The following UMOD variants were observed in gnomAD, a reference collection of about 807,000 sequenced individuals.
UMOD encodes uromodulin.
In UMOD, 64 loss-of-function variants were observed where a neutral mutation model predicts 66.0. The observed-to-expected ratio is 0.97, with a 90% CI of 0.79 to 1.19. The LOEUF (loss-of-function observed/expected upper bound fraction) is 1.19, where lower values mean the gene tolerates loss of function less well. Ranked by LOEUF, UMOD falls within the 50% of genes most tolerant of loss-of-function variation. The pLI is 0.00. For synonymous variants in UMOD, 398 were observed against 352.7 expected, an observed-to-expected ratio of 1.13 and a Z score of -1.44; for missense variants, 764 against 850.9, an observed-to-expected ratio of 0.90 and a Z score of 1.27.
chr16:20,355,854 C>T (rs567432008), upstream of UMOD, among the ~76,000 whole-genome samples: 25 of 152,278 alleles, frequency 1.6e-4, no homozygotes, highest in African/African-American at 2.6e-4. Context: ...CAACAACCCA[C>T]GTCACAGGGA....
At chr16:20,340,276 G>T (rs1965119277) in intron 7 of UMOD, among the ~76,000 whole-genome samples, 1 of 152,064 alleles carries the variant, frequency 6.6e-6, no homozygotes, top group Admixed American at 6.6e-5. Flanking sequence ...TGAGGCTAAA[G>T]CTGGAGGATC....
intron 4 of UMOD, among the ~76,000 whole-genome samples, chr16:20,347,872 G>T (rs1019749584): frequency 3.9e-5 from 6 of 152,136 alleles, no homozygotes; most frequent in African/African-American, 1.4e-4. Context: ...ACTGCTCACC[G>T]GGCCGGGCTT....
chr16:20,347,810 G>T (rs1159729101), intron 4 of UMOD, among the ~76,000 whole-genome samples: 1 of 152,266 alleles, frequency 6.6e-6, no homozygotes, highest in East Asian at 1.9e-4. Flanking sequence ...TGCCTGGCCC[G>T]GAGTACTGAG....
intron 7 of UMOD, among the ~76,000 whole-genome samples, chr16:20,338,451 T>C (rs1176618453): frequency 2.0e-5 from 3 of 152,236 alleles, no homozygotes; most frequent in Non-Finnish European, 4.4e-5. Flanking sequence ...TTCCTGCTTC[T>C]TTTTCAAAAC....
In UMOD at chr16:20,349,137, C is replaced by T; in HGVS notation, c.164G>A (p.Gly55Asp). 1 of 1,614,106 alleles carries T rather than the reference C, an allele frequency of 6.2e-7. No homozygotes were observed. The highest frequency in any genetic ancestry group is 8.5e-7 in the Non-Finnish European group (1 of 1,180,022). ...EAVTTCTCQE[G>D]FTGDGLTCVD... ...GCAGGTCAGGCCATCGCCGGTGAAG[C>T]CCTCCTGACAGGTGCACGTCGTAAC... The change falls in exon 3 of 11, where the codon GGC (glycine) becomes GAC (aspartate). Residue 55 changes from glycine to aspartate, a missense_variant. Gly to Asp is a moderately conservative substitution (Grantham distance 94, BLOSUM62 -1). Transcript: ENST00000396138.
chr16:20,333,255 C>T lies in UMOD; in HGVS notation c.*59G>A, dbSNP rs886051783. 7 of 1,542,584 alleles carry T rather than the reference C, an allele frequency of 4.5e-6. No individual in the cohort carries two copies. The Admixed American group carries it at 6.9e-5, about 15-fold the overall frequency. On this transcript the variant is annotated 3_prime_UTR_variant, in exon 11 of 11. Coordinates refer to ENST00000396138, the MANE Select transcript of UMOD (RefSeq NM_003361.4). Reference sequence around the variant, plus strand: ...GGCTGGAGCACTGGCCCGCATCATGCCCCCTGCCCAGCAGGAGGTGAGATG... The same window carrying T: ...GGCTGGAGCACTGGCCCGCATCATGTCCCCTGCCCAGCAGGAGGTGAGATG...
At position 20,333,364 on chromosome 16, in the gene UMOD, C is replaced by T. The variant is rs748973426; in HGVS notation, c.1873G>A (p.Val625Ile). The change falls in exon 11 of 11, where the codon GTC becomes ATC. Residue 625 changes from valine to isoleucine, a missense_variant. Val to Ile is a conservative substitution (Grantham distance 29). Transcript: ENST00000396138. ...RAFSSLGLLK[V>I]WLPLLLSATL... ...GCCGAGAGAAGCAGAGGCAGCCAGA[C>T]TTTCAGGAGCCCTGAAAAGAAAACA... 17 of 1,612,894 alleles carry T rather than the reference C, an allele frequency of 1.1e-5. No individual in the cohort carries two copies. The highest frequency in any genetic ancestry group is 1.4e-5 in the Non-Finnish European group (17 of 1,179,534).
chr16:20,354,179 A>C (rs1243916088), upstream of UMOD, among the ~76,000 whole-genome samples: 1 of 152,166 alleles, frequency 6.6e-6, no homozygotes, highest in Admixed American at 6.5e-5. Flanking sequence ...AGTTGGTTCC[A>C]AGTCTTTGCT....
rs11365132 is a variant in UMOD at position 20,334,835 on chromosome 16, A to AT, written c.1861+646dup. On this transcript the variant is annotated intron_variant, in intron 10 of 10. Coordinates refer to ENST00000396138, the MANE Select transcript of UMOD (RefSeq NM_003361.4). ...AGCACTCAAGGAATATTTGTCACCTATTTTTTTTTTTTTTTTGAGATGGAT... is the reference window on the plus strand; with the variant it reads ...AGCACTCAAGGAATATTTGTCACCTATTTTTTTTTTTTTTTTTGAGATGGAT... Among the ~76,000 whole-genome samples the AT allele has an allele frequency of 4.9e-3, 671 of 137,878 alleles. 3 individuals carry two copies. The highest frequency in any genetic ancestry group is 6.3e-3 in the Non-Finnish European group (400 of 63,578). The allele number at this position is 137,878 out of a possible 152,430, so 90.5% of individuals were successfully genotyped here.
intron 2 of UMOD, 60 bp downstream of exon 2, chr16:20,350,590 A>C: frequency 6.3e-7 from 1 of 1,597,704 alleles, no homozygotes; most frequent in South Asian, 1.1e-5. Flanking sequence ...TGCTTCCCCC[A>C]CACATTCACA....
intron 2 of UMOD, 109 bp downstream of exon 2, chr16:20,350,541 C>A: frequency 7.5e-7 from 1 of 1,341,388 alleles, no homozygotes. Context: ...GTCTCAAGTG[C>A]GATAGGAGGA....
In UMOD at chr16:20,349,037, G is replaced by A. The variant is rs77875418; in HGVS notation, c.264C>T (p.Gly88=). 20,661 of 1,598,442 alleles carry A rather than the reference G, an allele frequency of 0.013. 839 individuals carry two copies. The highest frequency in any genetic ancestry group is 0.094 in the South Asian group (8,342 of 88,716). ...CTTCGGGGCAGACGCAGGAGAAGGA[G>A]CCTGGCGTGTTTACGCAGCTGCTGT... ...SANSSCVNTP[G]SFSCVCPEGF... The change falls in exon 3 of 11, where the codon GGC becomes GGT. Residue 88 remains glycine, a synonymous_variant. Transcript: ENST00000396138.
chr16:20,346,048 T>G lies in UMOD; in HGVS notation c.1182+78A>C. On this transcript the variant is annotated intron_variant, in intron 5 of 10. Transcript: ENST00000396138. ...CCAGGCTAAATAACTCCCCAAAGCT[T>G]CTATAACTAGGAAGTGATAGAGCTG... 3 of 1,422,190 alleles carry G rather than the reference T, an allele frequency of 2.1e-6. No individual in the cohort carries two copies. The South Asian group carries it at 3.6e-5, about 17-fold the overall frequency. The allele number at this position is 1,422,190 out of a possible 1,614,324, so 88.1% of individuals were successfully genotyped here.
upstream of UMOD, chr16:20,352,991 G>T: frequency 2.9e-6 from 1 of 345,378 alleles, no homozygotes; most frequent in Non-Finnish European, 5.2e-6. Context: ...AGATTCCATA[G>T]TTAGAAATTA....
intron 4 of UMOD, among the ~76,000 whole-genome samples, chr16:20,347,919 T>A (rs1417596163): frequency 1.3e-5 from 2 of 152,172 alleles, no homozygotes. Flanking sequence ...TCAGATGGTC[T>A]TTGGCTCCCA....
At chr16:20,354,586 T>G (rs1381064696), upstream of UMOD, among the ~76,000 whole-genome samples, 3 of 152,124 alleles carry the variant, frequency 2.0e-5, no homozygotes, top group African/African-American at 7.2e-5. Flanking sequence ...AGGCCTTGTC[T>G]AAACCTTATT....
At chr16:20,355,474 G>A (rs1181198193), upstream of UMOD, among the ~76,000 whole-genome samples, 2 of 149,510 alleles carry the variant, frequency 1.3e-5, no homozygotes, top group Non-Finnish European at 3.0e-5. Context: ...CTCAGTCTTG[G>A]CTCACTGCAA....
intron 7 of UMOD, among the ~76,000 whole-genome samples, chr16:20,339,953 C>T (rs1965094454): frequency 6.6e-6 from 1 of 152,082 alleles, no homozygotes; most frequent in African/African-American, 2.4e-5. Flanking sequence ...AAAGGTAGCA[C>T]ACTTGTGTCC....
At chr16:20,341,526 T>C (rs1211551579) in intron 6 of UMOD, among the ~76,000 whole-genome samples, 190 bp from the exon 7 acceptor site, 2 of 152,222 alleles carry the variant, frequency 1.3e-5, no homozygotes, top group African/African-American at 4.8e-5. Context: ...GGGATCTAGA[T>C]AAAATGCAGG....
Sources: gnomAD v4.1 joint callset for allele counts (sites outside exome capture counted in the v4.1 genomes callset) on GRCh38, gnomAD v4.1.1 for gene constraint, MANE v1.5 for transcripts, NCBI Gene and HGNC (gene_info 2026-07-23, HGNC 2026-07-21) for gene names.